The following SYNPR variants were observed in gnomAD, a reference collection of about 807,000 sequenced individuals.
SYNPR encodes the protein synaptoporin.
Under a neutral mutation model 32.9 loss-of-function variants are expected in SYNPR, and 23 were observed. That is an observed-to-expected ratio of 0.70 (90% CI 0.50 to 0.99). The LOEUF (loss-of-function observed/expected upper bound fraction) is 0.99, where lower values mean the gene tolerates loss of function less well. SYNPR is among the 50% of genes least tolerant of loss of function. The probability of loss-of-function intolerance (pLI) is 0.00; values close to 1 mark genes in which losing one functional copy is unlikely to be tolerated. For synonymous variants in SYNPR, 146 were observed against 135.9 expected, an observed-to-expected ratio of 1.07 and a Z score of -0.52; for missense variants, 318 against 349.3, an observed-to-expected ratio of 0.91 and a Z score of 0.71.
intron 2 of SYNPR, among the ~76,000 whole-genome samples, chr3:63,312,671 C>T (rs1056071726): frequency 6.6e-6 from 1 of 151,980 alleles, no homozygotes; most frequent in Non-Finnish European, 1.5e-5. Flanking sequence ...GCTCCTTATC[C>T]TGCTTATGAT....
intron 2 of SYNPR, among the ~76,000 whole-genome samples, chr3:63,296,733 C>A (rs1035079896): frequency 6.6e-6 from 1 of 152,096 alleles, no homozygotes; most frequent in Non-Finnish European, 1.5e-5. Context: ...CTCAGTCAAC[C>A]AGTGGAATCT....
rs562686246 is a variant in SYNPR at position 63,235,255 on chromosome 3, A to G, written n.66+6875A>G. Among the ~76,000 whole-genome samples the G allele has an allele frequency of 2.0e-5, 3 of 152,220 alleles. No homozygotes were observed. In the South Asian group the frequency reaches 6.2e-4, roughly 32 times the overall value. ...CAGGAAACAGGCCTGTTGGCTGGAG[A>G]TGTAGGGTCTGGGCCATGGAGGGCC... On this transcript the variant is annotated intron_variant and non_coding_transcript_variant, in intron 1 of 4. Coordinates refer to the SYNPR transcript ENST00000478456.
chr3:63,272,125 C>T (rs931595905), intron 3 of SYNPR, among the ~76,000 whole-genome samples: 20 of 152,176 alleles, frequency 1.3e-4, no homozygotes, highest in African/African-American at 4.1e-4. Flanking sequence ...CCATTGCTGT[C>T]GGTCATATTT....
intron 2 of SYNPR, among the ~76,000 whole-genome samples, chr3:63,430,933 C>G (rs1032413366): frequency 1.3e-5 from 2 of 152,166 alleles, no homozygotes; most frequent in African/African-American, 4.8e-5. Flanking sequence ...TGGGTGACAA[C>G]TGAGCTGGGT....
At chr3:63,555,187 G>T (rs1702573832) in intron 3 of SYNPR, among the ~76,000 whole-genome samples, 1 of 151,504 alleles carries the variant, frequency 6.6e-6, no homozygotes, top group African/African-American at 2.4e-5. Flanking sequence ...TTTCCTATTT[G>T]GATGCCTTTT....
In SYNPR at chr3:63,389,398, C is replaced by G. The variant is rs570200074; in HGVS notation, c.85-91434C>G. ...CATTGGCTTCATTCTCAGGCAGGCT[C>G]TCCCAACGATGGAAAGTGGCAAACT... On this transcript the variant is annotated intron_variant, in intron 2 of 5. Transcript: ENST00000478300. 4.6e-5 allele frequency among the ~76,000 whole-genome samples: 7 copies of G among 152,308 alleles called. No homozygotes were observed. The South Asian group carries it at 1.5e-3, about 32-fold the overall frequency.
At chr3:63,449,925 G>A (rs1243577410) in intron 2 of SYNPR, among the ~76,000 whole-genome samples, 1 of 152,080 alleles carries the variant, frequency 6.6e-6, no homozygotes. Context: ...AATTCTTACA[G>A]CTAATAAAGG....
At position 63,432,664 on chromosome 3, in the gene SYNPR, A is replaced by T. The variant is rs114830370; in HGVS notation, c.85-48168A>T. Among the ~76,000 whole-genome samples, 701 of 152,268 alleles carry T rather than the reference A, an allele frequency of 4.6e-3. 4 individuals are homozygous for T. The highest frequency in any genetic ancestry group is 0.016 in the African/African-American group (656 of 41,548). On this transcript the variant is annotated intron_variant, in intron 2 of 5. Transcript: ENST00000478300. ...AAAGAGGCAGACCCAGATAAGAAAG[A>T]GGTAGGAGAGGGAGAGATGGTCCTG...
intron 3 of SYNPR, among the ~76,000 whole-genome samples, chr3:63,528,905 T>C (rs1295853990): frequency 6.6e-6 from 1 of 152,196 alleles, no homozygotes; most frequent in African/African-American, 2.4e-5. Flanking sequence ...CTCCCTCCAA[T>C]AATTTGAGAA....
intron 3 of SYNPR, among the ~76,000 whole-genome samples, chr3:63,516,023 A>G (rs1336500849): frequency 2.0e-5 from 3 of 152,094 alleles, no homozygotes; most frequent in African/African-American, 7.2e-5. Flanking sequence ...TGGTACAGTC[A>G]ACATTCTTTA....
At chr3:63,406,839 G>A (rs553440846) in intron 2 of SYNPR, among the ~76,000 whole-genome samples, 3 of 152,218 alleles carry the variant, frequency 2.0e-5, no homozygotes, top group South Asian at 2.1e-4. Flanking sequence ...CCACAACAAT[G>A]AGAAGTCATG....
intron 2 of SYNPR, among the ~76,000 whole-genome samples, chr3:63,285,615 G>A (rs996045202): frequency 1.3e-5 from 2 of 152,174 alleles, no homozygotes; most frequent in Non-Finnish European, 2.9e-5. Flanking sequence ...CAGCTCCTCA[G>A]TGTCCAGATG....
At chr3:63,300,784 A>G (rs985802083) in intron 2 of SYNPR, among the ~76,000 whole-genome samples, 5 of 152,034 alleles carry the variant, frequency 3.3e-5, no homozygotes, top group Non-Finnish European at 2.9e-5. Flanking sequence ...ATCTGAAACC[A>G]TATCCTCGCT....
In SYNPR at chr3:63,235,069, T is replaced by C. The variant is rs527261655; in HGVS notation, n.66+6689T>C. Among the ~76,000 whole-genome samples, 21 of 152,344 alleles carry C rather than the reference T, an allele frequency of 1.4e-4. No homozygotes were observed. The South Asian group carries it at 4.1e-3, about 30-fold the overall frequency. ...CTACTTATCAAGATTTTCCCTGTTT[T>C]TATTTGTACTCATCTGTGTGTGTAT... is the stretch of plus-strand genomic sequence containing the variant. On this transcript the variant is annotated intron_variant and non_coding_transcript_variant, in intron 1 of 4. Transcript: ENST00000478456.
intron 2 of SYNPR, among the ~76,000 whole-genome samples, chr3:63,339,140 T>C (rs1225224998): frequency 6.6e-6 from 1 of 152,202 alleles, no homozygotes. Context: ...AATGAATGAA[T>C]GAAATAACAT....
intron 2 of SYNPR, among the ~76,000 whole-genome samples, chr3:63,370,516 A>G (rs1652259040): frequency 1.3e-5 from 2 of 152,218 alleles, no homozygotes; most frequent in Non-Finnish European, 2.9e-5. Context: ...GAAAAGTGGA[A>G]TTTGTACTCG....
At chr3:63,284,974 T>C (rs999166449) in intron 2 of SYNPR, among the ~76,000 whole-genome samples, 3 of 152,186 alleles carry the variant, frequency 2.0e-5, no homozygotes, top group Non-Finnish European at 2.9e-5. Context: ...TTGAGGGAAA[T>C]GCCAAAGCCA....
chr3:63,391,184 A>C (rs1042726407), intron 2 of SYNPR, among the ~76,000 whole-genome samples: 13 of 152,168 alleles, frequency 8.5e-5, no homozygotes, highest in African/African-American at 3.1e-4. Context: ...GAATGGAGCT[A>C]TCTACCACTC....
At chr3:63,501,214 C>T (rs1469379617) in intron 3 of SYNPR, among the ~76,000 whole-genome samples, 3 of 152,064 alleles carry the variant, frequency 2.0e-5, no homozygotes, top group South Asian at 2.1e-4. Context: ...AGTGGTGGCT[C>T]ACGCCTGTAA....
Sources: allele counts gnomAD v4.1 joint callset (sites outside exome capture counted in the v4.1 genomes callset), GRCh38; gene constraint gnomAD v4.1.1; transcripts MANE v1.5; gene names NCBI Gene and HGNC (gene_info 2026-07-23, HGNC 2026-07-21).